Variants in CHN2 observed in about 807,000 individuals in gnomAD.
CHN2 encodes chimerin 2, also known as beta-chimaerin.
In CHN2, 35 loss-of-function variants were observed where a neutral mutation model predicts 56.3. The ratio of observed to expected loss-of-function variants is 0.62; its 90% CI spans 0.47 to 0.82. The LOEUF is 0.82. Ranked by LOEUF, CHN2 falls within the 40% of genes least tolerant of loss-of-function variation. The pLI is 0.00. For synonymous variants in CHN2, 210 were observed against 212.8 expected (o/e 0.99, Z 0.12); for missense variants, 491 against 580.5 (o/e 0.85, Z 1.58).
At chr7:29,348,326 T>C (rs1797623320) in intron 1 of CHN2, among the ~76,000 whole-genome samples, 1 of 152,214 alleles carries the variant, frequency 6.6e-6, no homozygotes, top group Non-Finnish European at 1.5e-5. Flanking sequence ...TTTCTTAAGG[T>C]GGCTTTCAAG....
intron 6 of CHN2, among the ~76,000 whole-genome samples, chr7:29,443,340 G>A (rs4722905): frequency 0.5 from 75,791 of 152,056 alleles, 21,605 homozygotes; most frequent in African/African-American, 0.79. Context: ...TTGGTCAACA[G>A]CAGATCACAT....
intron 1 of CHN2, among the ~76,000 whole-genome samples, chr7:29,313,468 C>A (rs571419400): frequency 6.6e-6 from 1 of 151,934 alleles, no homozygotes; most frequent in East Asian, 1.9e-4. Context: ...TCAGCTCACT[C>A]TCAGAAAAAT....
At chr7:29,263,044 CG>C (rs1386347449) in intron 1 of CHN2, among the ~76,000 whole-genome samples, 1 of 152,168 alleles carries the variant, frequency 6.6e-6, no homozygotes, top group Non-Finnish European at 1.5e-5. Flanking sequence ...GCACGGTCCT[CG>C]TCTCCCCTTT....
intron 9 of CHN2, among the ~76,000 whole-genome samples, chr7:29,501,710 G>C (rs535460570): frequency 6.6e-6 from 1 of 152,218 alleles, no homozygotes; most frequent in Non-Finnish European, 1.5e-5. Context: ...ACCAGAGAAT[G>C]CACCGGGAGA....
intron 3 of CHN2, among the ~76,000 whole-genome samples, chr7:29,390,688 G>T (rs1305704563): frequency 6.6e-6 from 1 of 152,214 alleles, no homozygotes. Context: ...TTGAGTTACA[G>T]TTTCTTTAAT....
chr7:29,222,241 G>A (rs1013278449), intron 1 of CHN2, among the ~76,000 whole-genome samples: 1 of 152,172 alleles, frequency 6.6e-6, no homozygotes, highest in African/African-American at 2.4e-5. Context: ...AAGATTACAT[G>A]CTCATGGATA....
At chr7:29,334,510 TTTGG>T (rs879569778) in intron 1 of CHN2, 40,373 of 151,942 alleles carry the variant, frequency 0.27, 5,943 homozygotes, top group African/African-American at 0.4. Context: ...ATCCTAGCAA[TTTGG>T]AAGCCCAAGG....
chr7:29,471,360 G>T (rs1436074070), intron 6 of CHN2, among the ~76,000 whole-genome samples: 2 of 152,164 alleles, frequency 1.3e-5, no homozygotes, highest in East Asian at 3.8e-4. Flanking sequence ...TATCTAAAAA[G>T]TCTGTGAGAA....
At chr7:29,279,160 A>G (rs1791472663) in intron 1 of CHN2, among the ~76,000 whole-genome samples, 1 of 152,232 alleles carries the variant, frequency 6.6e-6, no homozygotes, top group Non-Finnish European at 1.5e-5. Context: ...CCAAAACTGT[A>G]AGTTGTGATT....
intron 1 of CHN2, among the ~76,000 whole-genome samples, chr7:29,244,727 G>T (rs897334386): frequency 1.3e-5 from 2 of 152,170 alleles, no homozygotes; most frequent in African/African-American, 2.4e-5. Flanking sequence ...AGGAAACTGG[G>T]GTTTTCATCC....
At chr7:29,296,855 G>C (rs1793202530) in intron 1 of CHN2, among the ~76,000 whole-genome samples, 1 of 152,178 alleles carries the variant, frequency 6.6e-6, no homozygotes, top group South Asian at 2.1e-4. Flanking sequence ...CTTCTTAGGG[G>C]TAAACACTTT....
intron 2 of CHN2, among the ~76,000 whole-genome samples, chr7:29,179,260 G>A (rs527593202): frequency 4.6e-5 from 7 of 152,316 alleles, no homozygotes; most frequent in Admixed American, 4.6e-4. Flanking sequence ...GAGTGGGCAT[G>A]GGATGCCATC....
intron 3 of CHN2, among the ~76,000 whole-genome samples, chr7:29,368,675 G>A (rs1239086900): frequency 6.6e-6 from 1 of 152,126 alleles, no homozygotes; most frequent in Non-Finnish European, 1.5e-5. Context: ...TGCCATGCAT[G>A]CCTTATCAAG....
intron 2 of CHN2, among the ~76,000 whole-genome samples, chr7:29,366,837 G>C (rs1368403578): frequency 6.6e-6 from 1 of 152,176 alleles, no homozygotes; most frequent in Non-Finnish European, 1.5e-5. Context: ...TTCAGCCAAA[G>C]ACATTGGGGA....
chr7:29,286,847 T>G lies in CHN2; in HGVS notation c.50-67778T>G, dbSNP rs533006018. On this transcript the variant is annotated intron_variant, in intron 1 of 12. Coordinates refer to ENST00000222792, the MANE Select transcript of CHN2 (RefSeq NM_004067.4). The stretch of plus-strand genomic sequence containing the variant: ...ATATACCTTTCTCCTTTATTCACAT[T>G]CATTTATATAAACGTGAAAGTTGCC... Among the ~76,000 whole-genome samples the G allele has an allele frequency of 3.9e-5, 6 of 152,352 alleles. No homozygotes were observed. In the East Asian group the frequency reaches 1.2e-3, roughly 29 times the overall value.
chr7:29,314,530 G>A (rs1794820738), intron 1 of CHN2, among the ~76,000 whole-genome samples: 1 of 152,194 alleles, frequency 6.6e-6, no homozygotes, highest in Non-Finnish European at 1.5e-5. Context: ...AATTTGATGT[G>A]TGCATTTTGT....
intron 6 of CHN2, among the ~76,000 whole-genome samples, chr7:29,411,100 A>G (rs1260582664): frequency 6.6e-6 from 1 of 152,174 alleles, no homozygotes; most frequent in African/African-American, 2.4e-5. Context: ...CTACACACCA[A>G]GTACACAAAC....
intron 5 of CHN2, among the ~76,000 whole-genome samples, chr7:29,399,259 C>T (rs545290420): frequency 7.9e-5 from 12 of 152,286 alleles, no homozygotes; most frequent in African/African-American, 2.6e-4. Context: ...TGCCTCAGCT[C>T]CCAGCAGCCC....
At chr7:29,505,578 A>G (rs1445823277) in intron 10 of CHN2, among the ~76,000 whole-genome samples, 1 of 152,186 alleles carries the variant, frequency 6.6e-6, no homozygotes, top group African/African-American at 2.4e-5. Flanking sequence ...CTTGGCTCAC[A>G]TTGTCCTGTC....
Sources: gnomAD v4.1 joint callset for allele counts (sites outside exome capture counted in the v4.1 genomes callset) on GRCh38, gnomAD v4.1.1 for gene constraint, MANE v1.5 for transcripts, NCBI Gene and HGNC (gene_info 2026-07-23, HGNC 2026-07-21) for gene names.